LLGL2: variants seen among roughly 807,000 people sequenced by gnomAD.
LLGL2 encodes the protein LLGL scribble cell polarity complex component 2.
A neutral mutation model predicts 123.2 loss-of-function variants in LLGL2; 81 were observed. That is an observed-to-expected ratio of 0.66 (90% confidence interval 0.55 to 0.79). LLGL2 has a LOEUF of 0.79. LLGL2 is among the 30% of genes least tolerant of loss of function. LLGL2 has a pLI of 0.00. For missense variants in LLGL2, 1,273 were observed against 1,414.6 expected (o/e 0.90, Z 1.61); for synonymous variants, 577 against 594.1 (o/e 0.97, Z 0.42).
intron 21 of LLGL2, 149 bp from the exon 22 acceptor site, chr17:75,573,803 C>T: frequency 8.3e-7 from 1 of 1,206,686 alleles, no homozygotes; most frequent in Non-Finnish European, 1.2e-6. Context: ...CCTGTGCAAG[C>T]TGGCAGTCCA....
chr17:75,554,361 C>T (rs1013053568), intron 2 of LLGL2, among the ~76,000 whole-genome samples: 1 of 151,770 alleles, frequency 6.6e-6, no homozygotes, highest in East Asian at 1.9e-4. Context: ...CCTGTAATCC[C>T]AGCGCTTTGG....
At chr17:75,530,766 G>A (rs2053756742) in intron 1 of LLGL2, among the ~76,000 whole-genome samples, 1 of 152,134 alleles carries the variant, frequency 6.6e-6, no homozygotes, top group South Asian at 2.1e-4. Context: ...AACTATGATG[G>A]CGCCACTGCA....
At chr17:75,556,173 G>T in intron 3 of LLGL2, 30 bp downstream of exon 3, 1 of 1,560,390 alleles carries the variant, frequency 6.4e-7, no homozygotes, top group Non-Finnish European at 8.8e-7. Context: ...TCCCACTCGG[G>T]CAGGGCCTTG....
chr17:75,560,818 A>AC (rs1555657306), intron 6 of LLGL2, among the ~76,000 whole-genome samples: 24 of 112,478 alleles, frequency 2.1e-4, no homozygotes, highest in African/African-American at 6.5e-4. Flanking sequence ...AAAAAAAAAA[A>AC]AAAAAAAAAA....
chr17:75,564,289 G>T lies in LLGL2; in HGVS notation c.882-64G>T. Reference sequence around the variant, plus strand: ...TGACTGAGTGGTGACTTTGATTGCCGGCCTGTGGCTGTTGAGGCTGTGCCA... The same window carrying T: ...TGACTGAGTGGTGACTTTGATTGCCTGCCTGTGGCTGTTGAGGCTGTGCCA... On this transcript the variant is annotated intron_variant, in intron 9 of 25. Coordinates refer to ENST00000392550, the MANE Select transcript of LLGL2 (RefSeq NM_001031803.2). The surrounding 1 kb of genome is among the most constrained non-coding windows in gnomAD (Gnocchi z 4.9). 1 of 1,546,376 alleles carries T rather than the reference G, an allele frequency of 6.5e-7. No individual in the cohort carries two copies. Among genetic ancestry groups the T allele is most frequent in the Non-Finnish European group, 8.7e-7 (1 of 1,149,376 alleles).
At chr17:75,573,762 G>A (rs76714728) in intron 21 of LLGL2, 131 bp downstream of exon 21, 98,445 of 1,223,104 alleles carry the variant, frequency 0.08, 4,207 homozygotes, top group Middle Eastern at 0.16. Flanking sequence ...CCAGGCTCCG[G>A]CTCTCCTTGC....
chr17:75,550,803 A>AAAAC, intron 2 of LLGL2, among the ~76,000 whole-genome samples: 1 of 117,968 alleles, frequency 8.5e-6, no homozygotes, highest in Non-Finnish European at 1.7e-5. Flanking sequence ...AAAAAAAAAA[A>AAAAC]ACACACACAC....
In LLGL2 at chr17:75,544,457, T is replaced by C. The variant is rs2054337055; in HGVS notation, c.75+956T>C. ...TCCCTGTGGAGAATGAGGAAGTCTC[T>C]TTGGTTGTATTTTTGTTATTGATTT... On this transcript the variant is annotated intron_variant, in intron 2 of 25. Coordinates refer to ENST00000392550, the MANE Select transcript of LLGL2 (RefSeq NM_001031803.2). This position sits in a 1 kb window ranked among gnomAD's most constrained non-coding sequence, Gnocchi z 4.2. 6.6e-6 allele frequency among the ~76,000 whole-genome samples: 1 copy of C among 152,204 alleles called. No homozygotes were observed. The highest frequency in any genetic ancestry group is 1.5e-5 in the Non-Finnish European group (1 of 68,034).
In LLGL2 at chr17:75,558,762, G is replaced by A. The variant is rs934279652; in HGVS notation, c.371+135G>A. On this transcript the variant is annotated intron_variant, in intron 5 of 25. Coordinates refer to ENST00000392550, the MANE Select transcript of LLGL2 (RefSeq NM_001031803.2). This position sits in a 1 kb window ranked among gnomAD's most constrained non-coding sequence, Gnocchi z 4.0. ...TGGCATGCGTTTGGCCCGATGCATC[G>A]CCACACTCAGGTGCTCCGAGTGGAG... 52 of 709,092 alleles carry A rather than the reference G, an allele frequency of 7.3e-5. No homozygotes were observed. Among genetic ancestry groups the A allele is most frequent in the African/African-American group, 4.2e-4 (24 of 57,036 alleles). The allele number at this position is 709,092 out of a possible 1,614,324, so 43.9% of individuals were successfully genotyped here. A position where few individuals can be genotyped will look rare whatever the true frequency, so the allele number is the denominator to read the frequency against.
chr17:75,560,449 AG>A (rs1467108825), intron 6 of LLGL2, among the ~76,000 whole-genome samples: 14 of 152,240 alleles, frequency 9.2e-5, no homozygotes, highest in Admixed American at 7.2e-4. Context: ...GTGCCCTGAG[AG>A]CCCCTCCTGC....
At position 75,559,470 on chromosome 17, in the gene LLGL2, C is replaced by T. The variant is rs1010149155; in HGVS notation, c.530+60C>T. 3.9e-6 allele frequency: 6 copies of T among 1,535,382 alleles called. No individual in the cohort carries two copies. The highest frequency in any genetic ancestry group is 1.4e-5 in the African/African-American group (1 of 72,750). ...CCCTCAAGTTAGGCATGGCTTCTCCCCTTGGTCCCAGGACTCTGTCAGGAG... is the reference window on the plus strand; with the variant it reads ...CCCTCAAGTTAGGCATGGCTTCTCCTCTTGGTCCCAGGACTCTGTCAGGAG... On this transcript the variant is annotated intron_variant, in intron 6 of 25. Coordinates refer to ENST00000392550, the MANE Select transcript of LLGL2 (RefSeq NM_001031803.2). The surrounding 1 kb of genome is among the most constrained non-coding windows in gnomAD (Gnocchi z 4.6).
chr17:75,568,520 C>G lies in LLGL2; in HGVS notation c.1081C>G (p.Leu361Val). The change falls in exon 11 of 26, where the codon CTG (leucine) becomes GTG (valine). Residue 361 changes from leucine to valine, a missense_variant. Leu to Val is a conservative substitution (Grantham distance 32). Transcript: ENST00000392550. ...CCTGGTGGTGCTGGCTGAGGAGGAG[C>G]TGGTGGTGATTGACCTGCAGACAGC... is the stretch of plus-strand genomic sequence containing the variant. ...YALVVLAEEELVVIDLQTAGW... is the reference protein window; with the variant it reads ...YALVVLAEEEVVVIDLQTAGW... 1 of 1,613,542 alleles carries G rather than the reference C, an allele frequency of 6.2e-7. No individual in the cohort carries two copies. The highest frequency in any genetic ancestry group is 8.5e-7 in the Non-Finnish European group (1 of 1,180,008).
intron 1 of LLGL2, among the ~76,000 whole-genome samples, chr17:75,527,030 A>C (rs577360690): frequency 6.6e-5 from 10 of 151,042 alleles, no homozygotes; most frequent in Non-Finnish European, 8.8e-5. Context: ...TTAGCCAGGC[A>C]TGGTGGCGTG....
At position 75,544,532 on chromosome 17, in the gene LLGL2, T is replaced by C. The variant is rs6501824; in HGVS notation, c.75+1031T>C. Among the ~76,000 whole-genome samples the C allele has an allele frequency of 0.78, 118,201 of 152,228 alleles. 46,623 individuals are homozygous for C. Among genetic ancestry groups the C allele is most frequent in the Non-Finnish European group, 0.86 (58,356 of 68,006 alleles). The stretch of plus-strand genomic sequence containing the variant: ...CAGGTGCAAACCCAACTTTGCCACA[T>C]AGAAGCTGGATGGCCGTGTGCCTGT... On this transcript the variant is annotated intron_variant, in intron 2 of 25. Coordinates refer to ENST00000392550, the MANE Select transcript of LLGL2 (RefSeq NM_001031803.2). The surrounding 1 kb of genome is among the most constrained non-coding windows in gnomAD (Gnocchi z 4.2).
chr17:75,527,971 T>C (rs1848286912), intron 1 of LLGL2, among the ~76,000 whole-genome samples: 1 of 144,424 alleles, frequency 6.9e-6, no homozygotes, highest in Non-Finnish European at 1.5e-5. Context: ...ATTTTTTTTT[T>C]AGAAAGGGGG....
intron 2 of LLGL2, among the ~76,000 whole-genome samples, chr17:75,545,694 A>G (rs9901890): frequency 0.78 from 118,105 of 152,088 alleles, 46,595 homozygotes; most frequent in Non-Finnish European, 0.86. Context: ...TAGTGGTCCC[A>G]TTTACAATGT....
intron 1 of LLGL2, among the ~76,000 whole-genome samples, chr17:75,535,109 C>A (rs574198217): frequency 2.6e-5 from 4 of 152,314 alleles, no homozygotes; most frequent in African/African-American, 7.2e-5. Flanking sequence ...ACTTGCAAAG[C>A]GGCTACAGGC....
chr17:75,565,399 C>A (rs954252983), intron 10 of LLGL2, among the ~76,000 whole-genome samples: 2 of 152,216 alleles, frequency 1.3e-5, no homozygotes, highest in African/African-American at 4.8e-5. Flanking sequence ...GACACCTGGT[C>A]TGTGTACTCA....
chr17:75,562,048 G>C (rs2055243275), intron 6 of LLGL2, among the ~76,000 whole-genome samples: 1 of 152,222 alleles, frequency 6.6e-6, no homozygotes, highest in Non-Finnish European at 1.5e-5. Context: ...TGGAGAGCTT[G>C]GGTTTAGTGT....
Sources: allele counts gnomAD v4.1 joint callset (sites outside exome capture counted in the v4.1 genomes callset), GRCh38; gene constraint gnomAD v4.1.1; non-coding constraint Gnocchi (gnomAD v3.1); transcripts MANE v1.5; gene names NCBI Gene and HGNC (gene_info 2026-07-23, HGNC 2026-07-21).